FGD5: variants seen among roughly 807,000 people sequenced by gnomAD.
The protein encoded by FGD5 is FYVE, RhoGEF and PH domain-containing protein 5.
In FGD5, 28 loss-of-function variants were observed where a neutral mutation model predicts 133.4. That is an observed-to-expected ratio of 0.21 (90% CI 0.16 to 0.29). The LOEUF (loss-of-function observed/expected upper bound fraction) is 0.29. FGD5 is among the 10% of genes least tolerant of loss of function. The pLI is 1.00. For missense variants in FGD5, 1,858 were observed against 1,895.2 expected (o/e 0.98, Z 0.36); for synonymous variants, 810 against 776.5 (o/e 1.04, Z -0.72).
intron 18 of FGD5, among the ~76,000 whole-genome samples, chr3:14,929,358 A>G (rs1387173079): frequency 6.6e-6 from 1 of 152,156 alleles, no homozygotes; most frequent in Non-Finnish European, 1.5e-5. Flanking sequence ...TTGGGTCATT[A>G]CCTAGGATTG....
intron 1 of FGD5, among the ~76,000 whole-genome samples, chr3:14,854,588 T>A (rs567529974): frequency 1.1e-3 from 170 of 152,004 alleles, no homozygotes; most frequent in African/African-American, 4.0e-3. Flanking sequence ...GCTAGTTTTT[T>A]AATTTTTTGT....
chr3:14,886,382 A>T (rs2037924037), intron 4 of FGD5, among the ~76,000 whole-genome samples: 1 of 152,202 alleles, frequency 6.6e-6, no homozygotes, highest in Non-Finnish European at 1.5e-5. Context: ...CCTGGGCTGA[A>T]GGGGCAGCAC....
Position 14,897,954 on chromosome 3 carries a change from G to A in FGD5, c.2925G>A (p.Lys975=). ...ERLSNWESQQ[K]VADVFLAREQ... ...CTGGCTGCAGGGAGAGCCAGCAGAA[G>A]GTAGCTGACGTCTTCCTGGCCCGGG... The change falls in exon 6 of 20, where the codon AAG becomes AAA. Residue 975 remains lysine, a synonymous_variant. Coordinates refer to ENST00000285046, the MANE Select transcript of FGD5 (RefSeq NM_152536.4). 6.2e-7 allele frequency: 1 copy of A among 1,613,890 alleles called. No individual in the cohort carries two copies. The highest frequency in any genetic ancestry group is 8.5e-7 in the Non-Finnish European group (1 of 1,179,872).
At chr3:14,916,299 A>G (rs768668983) in intron 11 of FGD5, among the ~76,000 whole-genome samples, 2 of 152,156 alleles carry the variant, frequency 1.3e-5, no homozygotes, top group Non-Finnish European at 2.9e-5. Context: ...AGGATTTACA[A>G]CCCTGAGCGT....
At chr3:14,864,422 G>A (rs2037456701) in intron 2 of FGD5, among the ~76,000 whole-genome samples, 162 bp downstream of exon 2, 2 of 152,240 alleles carry the variant, frequency 1.3e-5, no homozygotes, top group Non-Finnish European at 2.9e-5. Flanking sequence ...GCGCTAGGAA[G>A]CATCGCCTTC....
At position 14,897,749 on chromosome 3, in the gene FGD5, A is replaced by G. The variant is rs2038164207; in HGVS notation, c.2909+80A>G. On this transcript the variant is annotated intron_variant, in intron 5 of 19. Coordinates refer to ENST00000285046, the MANE Select transcript of FGD5 (RefSeq NM_152536.4). ...ACGGATAAAAACACCACCATATGAA[A>G]TAGTATCTCCATTTGATTGATGGGA... 2.0e-6 allele frequency: 3 copies of G among 1,483,664 alleles called. No homozygotes were observed. In the Admixed American group the frequency reaches 7.4e-5, roughly 36 times the overall value. 91.9% of individuals were successfully genotyped at this position (1,483,664 alleles called of 1,614,324 possible).
Position 14,897,569 on chromosome 3 carries a change from T to C in FGD5, c.2809T>C (p.Leu937=), listed in dbSNP as rs370629804. The C allele has an allele frequency of 4.2e-5, 68 of 1,605,064 alleles. No individual in the cohort carries two copies. The highest frequency in any genetic ancestry group is 5.0e-5 in the Non-Finnish European group (59 of 1,175,946). The change falls in exon 5 of 20, where the codon TTG becomes CTG. Residue 937 remains leucine (L), a synonymous_variant. Coordinates refer to ENST00000285046, the MANE Select transcript of FGD5 (RefSeq NM_152536.4). ...CATGGACCATGAAGGCAGAGACACATTGGCCCGGGAGGAGCTGAGGCAGGG... is the reference window on the plus strand; with the variant it reads ...CATGGACCATGAAGGCAGAGACACACTGGCCCGGGAGGAGCTGAGGCAGGG... ...DDMDHEGRDT[L]AREELRQGLS...
chr3:14,851,762 A>G (rs1329507647), intron 1 of FGD5, among the ~76,000 whole-genome samples: 3 of 152,204 alleles, frequency 2.0e-5, no homozygotes, highest in Non-Finnish European at 4.4e-5. Context: ...TGATTATCTG[A>G]AAATAAAGCC....
intron 4 of FGD5, chr3:14,897,173 T>C (rs1304926747): frequency 1.2e-5 from 3 of 259,934 alleles, no homozygotes; most frequent in Non-Finnish European, 2.2e-5. Flanking sequence ...TGCTTCGTTA[T>C]AGAAGGAATT....
chr3:14,889,253 A>T (rs907854493), intron 4 of FGD5, among the ~76,000 whole-genome samples: 8 of 152,188 alleles, frequency 5.3e-5, no homozygotes, highest in African/African-American at 1.9e-4. Flanking sequence ...ATCATCCCAG[A>T]AGATTCCTGT....
chr3:14,855,271 G>C (rs746911691), intron 1 of FGD5, among the ~76,000 whole-genome samples: 1 of 152,184 alleles, frequency 6.6e-6, no homozygotes, highest in Non-Finnish European at 1.5e-5. Context: ...TGGATACCTA[G>C]GTTGATTCTG....
rs541232864 is a variant in FGD5, at chr3:14,930,787, T to C, written c.4198-1790T>C. 1.4e-4 allele frequency: 21 copies of C among 152,316 alleles called. No individual in the cohort carries two copies. The South Asian group carries it at 4.1e-3, about 30-fold the overall frequency. The allele number at this position is 152,316 out of a possible 1,614,324, so 9.4% of individuals were successfully genotyped here. A position where few individuals can be genotyped will look rare whatever the true frequency, so the allele number is the denominator to read the frequency against. ...TTTATTTAAGCCTCGAATTCTCTTT[T>C]AATGTTTTGTAGTTTTTAGTGTAGA... On this transcript the variant is annotated intron_variant, in intron 18 of 19. Transcript: ENST00000285046.
chr3:14,843,783 T>A (rs1285940187), intron 1 of FGD5, among the ~76,000 whole-genome samples: 7 of 146,148 alleles, frequency 4.8e-5, no homozygotes, highest in Non-Finnish European at 1.0e-4. Context: ...CTCTGCCTCC[T>A]GGGTTCACGT....
intron 4 of FGD5, among the ~76,000 whole-genome samples, chr3:14,896,201 A>C (rs2038134802): frequency 6.6e-6 from 1 of 152,232 alleles, no homozygotes; most frequent in African/African-American, 2.4e-5. Context: ...TGCTAAAATG[A>C]CAATACTACC....
chr3:14,926,453 G>T (rs181324663), intron 18 of FGD5, among the ~76,000 whole-genome samples: 1 of 152,218 alleles, frequency 6.6e-6, no homozygotes, highest in Non-Finnish European at 1.5e-5. Context: ...AAGCTGTGCC[G>T]CAAAGTGTTT....
At chr3:14,815,979 A>T (rs2036362479), upstream of FGD5, among the ~76,000 whole-genome samples, 2 of 152,168 alleles carry the variant, frequency 1.3e-5, 1 homozygote, top group South Asian at 4.1e-4. Flanking sequence ...CTCAGAAGGG[A>T]TGTGGCTGAA....
At chr3:14,871,602 G>C (rs1381498463) in intron 2 of FGD5, among the ~76,000 whole-genome samples, 1 of 152,154 alleles carries the variant, frequency 6.6e-6, no homozygotes, top group Non-Finnish European at 1.5e-5. Flanking sequence ...GAGGGAGGCA[G>C]ACACAACTCA....
intron 4 of FGD5, among the ~76,000 whole-genome samples, chr3:14,890,866 C>T (rs1486715787): frequency 6.6e-6 from 1 of 152,162 alleles, no homozygotes; most frequent in Non-Finnish European, 1.5e-5. Flanking sequence ...ATTGACAAAG[C>T]AGTTGTAATC....
Position 14,922,185 on chromosome 3 carries a change from C to T in FGD5, c.3669+168C>T, listed in dbSNP as rs542860370. 3.8e-4 allele frequency: 374 copies of T among 979,738 alleles called. No individual in the cohort carries two copies. Among genetic ancestry groups the T allele is most frequent in the Non-Finnish European group, 5.5e-4 (366 of 663,554 alleles). The allele number at this position is 979,738 out of a possible 1,614,324, so 60.7% of individuals were successfully genotyped here. A position where few individuals can be genotyped will look rare whatever the true frequency, so the allele number is the denominator to read the frequency against. On this transcript the variant is annotated intron_variant, in intron 14 of 19. Coordinates refer to ENST00000285046, the MANE Select transcript of FGD5 (RefSeq NM_152536.4). This position sits in a 1 kb window ranked among gnomAD's most constrained non-coding sequence, Gnocchi z 4.1. Reference sequence around the variant, plus strand: ...TCCCACCCTAGTCAGGGGCGGCCTCCGTGTAACCTAGGAGCCCAGCACCCA... The same window carrying T: ...TCCCACCCTAGTCAGGGGCGGCCTCTGTGTAACCTAGGAGCCCAGCACCCA...
Sources: gnomAD v4.1 joint callset for allele counts (sites outside exome capture counted in the v4.1 genomes callset) on GRCh38, gnomAD v4.1.1 for gene constraint, Gnocchi (gnomAD v3.1) non-coding constraint, MANE v1.5 for transcripts, NCBI Gene and HGNC (gene_info 2026-07-23, HGNC 2026-07-21) for gene names.